The following GRIFIN variants were observed in gnomAD, a reference collection of about 807,000 sequenced individuals.
GRIFIN encodes putative grifin.
In GRIFIN, 22 loss-of-function variants were observed where a neutral mutation model predicts 18.2. The ratio of observed to expected loss-of-function variants is 1.21; its 90% CI spans 0.86 to 1.73. The LOEUF (loss-of-function observed/expected upper bound fraction) is 1.73, where lower values mean the gene tolerates loss of function less well. GRIFIN is among the 40% of genes most tolerant of loss of function. The probability of loss-of-function intolerance (pLI) is 0.00; values close to 1 mark genes in which losing one functional copy is unlikely to be tolerated. For missense variants in GRIFIN, 200 were observed against 190.1 expected (o/e 1.05, Z -0.31); for synonymous variants, 101 against 82.8 (o/e 1.22, Z -1.19).
In GRIFIN at chr7:2,475,979, G is replaced by A. The variant is rs144605099; in HGVS notation, c.33C>T (p.Gly11=). 67,215 of 1,597,884 alleles carry A rather than the reference G, an allele frequency of 0.042. 1,788 individuals are homozygous for A. Among genetic ancestry groups the A allele is most frequent in the South Asian group, 0.078 (7,122 of 91,040 alleles). The change falls in exon 2 of 5, where the codon GGC becomes GGT. Residue 11 remains glycine, a synonymous_variant. Coordinates refer to ENST00000614228, the MANE Select transcript of GRIFIN (RefSeq NM_001394787.1). The part of the protein sequence containing the change: MAVQSKAFCA[G]GLAPGWKLLV... ...GCAGCTTCCAGCCGGGGGCCAGGCC[G>A]CCCGCACAGAAGGCTTTAGACTGAG...
intron 1 of GRIFIN, 78 bp downstream of exon 1, chr7:2,476,294 T>A: frequency 6.8e-7 from 1 of 1,473,732 alleles, no homozygotes; most frequent in Non-Finnish European, 9.2e-7. Flanking sequence ...CCCATCTCTG[T>A]GCAGAGAGAG....
rs1778928760 is a variant in GRIFIN, at chr7:2,474,937, C to T, written c.420-52G>A. On this transcript the variant is annotated intron_variant, in intron 4 of 4. Transcript: ENST00000614228. ...GCTCCTGCCCTGCCCATGCACAGAC[C>T]AGGGTGGGAGGTGGACCATGGCCCT... 28 of 630,052 alleles carry T rather than the reference C, an allele frequency of 4.4e-5. 1 individual carries two copies. The South Asian group carries it at 5.0e-4, about 11-fold the overall frequency. 39.0% of individuals were successfully genotyped at this position (630,052 alleles called of 1,614,324 possible). A position where few individuals can be genotyped will look rare whatever the true frequency, so the allele number is the denominator to read the frequency against.
intron 4 of GRIFIN, 127 bp from the exon 5 acceptor site, chr7:2,475,012 A>G: frequency 9.1e-7 from 1 of 1,102,956 alleles, no homozygotes; most frequent in Non-Finnish European, 1.3e-6. Context: ...GCAGGGTGGG[A>G]CGCCAGGCAG....
chr7:2,475,365 C>T, intron 3 of GRIFIN, 58 bp from the exon 4 acceptor site: 1 of 1,526,170 alleles, frequency 6.6e-7, no homozygotes, highest in East Asian at 2.4e-5. Context: ...GGGTCTGGTC[C>T]CGCTTTTAAC....
chr7:2,475,088 G>T, intron 4 of GRIFIN, 53 bp downstream of exon 4: 1 of 1,521,060 alleles, frequency 6.6e-7, no homozygotes, highest in East Asian at 2.4e-5. Flanking sequence ...CTGCTGGGGT[G>T]GGCAGTGTGG....
At chr7:2,476,283 C>G in intron 1 of GRIFIN, 89 bp downstream of exon 1, 1 of 1,428,256 alleles carries the variant, frequency 7.0e-7, no homozygotes. Context: ...AGAGCCCATA[C>G]CCCATCTCTG....
At chr7:2,476,228 C>T (rs933430851) in intron 1 of GRIFIN, 144 bp downstream of exon 1, 1 of 1,073,556 alleles carries the variant, frequency 9.3e-7, no homozygotes. Flanking sequence ...TCTGGGGGGA[C>T]CTTCACCCTG....
chr7:2,475,483 G>T (rs1778943488), intron 3 of GRIFIN, 176 bp from the exon 4 acceptor site: 2 of 1,177,864 alleles, frequency 1.7e-6, no homozygotes, highest in South Asian at 1.6e-5. Context: ...CCAAGATGGG[G>T]TGGCTGGTAG....
At chr7:2,476,308 G>A (rs1583249900) in intron 1 of GRIFIN, 64 bp downstream of exon 1, 30 of 1,512,442 alleles carry the variant, frequency 2.0e-5, no homozygotes, top group South Asian at 1.3e-4. Flanking sequence ...GAGAGAGCAC[G>A]GGTGGCTCAG....
chr7:2,475,848 G>T lies in GRIFIN; in HGVS notation c.93-20C>A, dbSNP rs766910995. On this transcript the variant is annotated intron_variant, in intron 2 of 4. Transcript: ENST00000614228. ...TCGAACCTGGGGCGGACATGGTGCG[G>T]GTCAAGAGCTGCAAAGAGCTGGGCC... 6.3e-7 allele frequency: 1 copy of T among 1,580,010 alleles called. No individual in the cohort carries two copies. The highest frequency in any genetic ancestry group is 8.6e-7 in the Non-Finnish European group (1 of 1,165,754).
At position 2,475,262 on chromosome 7, in the gene GRIFIN, C is replaced by CTGGGG; in HGVS notation, c.297_298insCCCCA (p.Glu100ProfsTer25). The CTGGGG allele has an allele frequency of 6.3e-7, 1 of 1,597,080 alleles. No homozygotes were observed. Among genetic ancestry groups the CTGGGG allele is most frequent in the Non-Finnish European group, 8.5e-7 (1 of 1,179,020 alleles). ...CATGGGAACTGTAGCACCTTGTGCT[C>CTGGGG]CGGGGCGTAGACGTGGAAGTGCTCC... On this transcript the variant is annotated frameshift_variant, in exon 4 of 5. Transcript: ENST00000614228. LOFTEE classifies it high-confidence loss of function.
rs933378452 is a variant in GRIFIN at position 2,475,908 on chromosome 7, G to A, written c.92+12C>T. On this transcript the variant is annotated intron_variant, in intron 2 of 4. Transcript: ENST00000614228. ...GCCCAAGGCCCAGCGAGGGGAGGGCGGTGCCGCTGACCTGTCCTCTCCAGA... is the reference window on the plus strand; with the variant it reads ...GCCCAAGGCCCAGCGAGGGGAGGGCAGTGCCGCTGACCTGTCCTCTCCAGA... The A allele has an allele frequency of 6.3e-6, 10 of 1,597,162 alleles. No homozygotes were observed. Among genetic ancestry groups the A allele is most frequent in the African/African-American group, 2.7e-5 (2 of 74,848 alleles).
chr7:2,475,705 A>G lies in GRIFIN; in HGVS notation c.216T>C (p.Ser72=). 1 of 1,543,484 alleles carries G rather than the reference A, an allele frequency of 6.5e-7. No individual in the cohort carries two copies. The highest frequency in any genetic ancestry group is 8.7e-7 in the Non-Finnish European group (1 of 1,148,784). Residue 72 remains serine (S), a synonymous_variant, in exon 3 of 5, where the codon TCT becomes TCC. Transcript: ENST00000614228. The part of the protein sequence containing the change: ...QYGRWGPEQV[S]SIFPLAPGEP... ...CCCCCGGGGCCAGCGGGAAGATGCTAGACACCTGCTCCGGGCCCCAGCGGC... is the reference window on the plus strand; with the variant it reads ...CCCCCGGGGCCAGCGGGAAGATGCTGGACACCTGCTCCGGGCCCCAGCGGC...
Position 2,475,320 on chromosome 7 carries a change from G to C in GRIFIN, c.253-13C>G. The C allele has an allele frequency of 1.3e-6, 2 of 1,585,104 alleles. No homozygotes were observed. On this transcript the variant is annotated splice_polypyrimidine_tract_variant and intron_variant, in intron 3 of 4. Coordinates refer to ENST00000614228, the MANE Select transcript of GRIFIN (RefSeq NM_001394787.1). ...AGCTGACCTCTATCTGGGCAGGCTGGGGCCAGTGACCTCAGTGCCAGCCCC... is the reference window on the plus strand; with the variant it reads ...AGCTGACCTCTATCTGGGCAGGCTGCGGCCAGTGACCTCAGTGCCAGCCCC...
At chr7:2,475,514 T>G in intron 3 of GRIFIN, 155 bp downstream of exon 3, 1 of 1,166,548 alleles carries the variant, frequency 8.6e-7, no homozygotes, top group Non-Finnish European at 1.2e-6. Context: ...GGGTACCTAC[T>G]GCACACGTAG....
At position 2,475,122 on chromosome 7, in the gene GRIFIN, G is replaced by A. The variant is rs1027847015; in HGVS notation, c.419+19C>T. 6.4e-7 allele frequency: 1 copy of A among 1,565,108 alleles called. No individual in the cohort carries two copies. On this transcript the variant is annotated intron_variant, in intron 4 of 4. Coordinates refer to ENST00000614228, the MANE Select transcript of GRIFIN (RefSeq NM_001394787.1). ...GGGGCAGGAATGGGCAGGGACCTGG[G>A]TAGAGGCAGGGACTTTACCCCCAGC...
intron 3 of GRIFIN, 175 bp downstream of exon 3, chr7:2,475,494 C>T (rs975992241): frequency 2.5e-6 from 3 of 1,181,120 alleles, no homozygotes; most frequent in African/African-American, 1.5e-5. Flanking sequence ...TGGCTGGTAG[C>T]CAGGGTGGTG....
At chr7:2,475,851 C>T (rs754236272) in intron 2 of GRIFIN, 23 bp from the exon 3 acceptor site, 1 of 1,580,834 alleles carries the variant, frequency 6.3e-7, no homozygotes, top group Non-Finnish European at 8.6e-7. Context: ...TGGTGCGGGT[C>T]AAGAGCTGCA....
In GRIFIN at chr7:2,475,762, G is replaced by T. The variant is rs763814089; in HGVS notation, c.159C>A (p.Ser53Arg). 6.4e-7 allele frequency: 1 copy of T among 1,570,190 alleles called. No individual in the cohort carries two copies. The highest frequency in any genetic ancestry group is 8.6e-7 in the Non-Finnish European group (1 of 1,162,018). Residue 53 changes from serine (S) to arginine (R), a missense_variant, in exon 3 of 5, where the codon AGC (serine) becomes AGA (arginine). By Grantham distance (110) the Ser-to-Arg change is moderately radical. Transcript: ENST00000614228. The part of the protein sequence containing the change: ...IAFHIKPRFS[S>R]ATVVGNAFQY... ...GGAAGGCATTGCCCACCACAGTGGC[G>T]CTGGAGAACCGGGGCTTGATGTGGA...
Sources: allele counts gnomAD v4.1 joint callset, GRCh38; gene constraint gnomAD v4.1.1; transcripts MANE v1.5; gene names NCBI Gene and HGNC (gene_info 2026-07-23, HGNC 2026-07-21).